The following SIRPA variants were observed in gnomAD, a reference collection of about 807,000 sequenced individuals.
The protein encoded by SIRPA is signal regulatory protein alpha, also known as tyrosine-protein phosphatase non-receptor type substrate 1.
Under a neutral mutation model 50.3 loss-of-function variants are expected in SIRPA, and 9 were observed. The ratio of observed to expected loss-of-function variants is 0.18; its 90% CI spans 0.11 to 0.31. The LOEUF (loss-of-function observed/expected upper bound fraction) is 0.31, where lower values mean the gene tolerates loss of function less well. Ranked by LOEUF, SIRPA falls within the 10% of genes least tolerant of loss-of-function variation. The pLI is 1.00. For synonymous variants in SIRPA, 265 were observed against 284.1 expected, an observed-to-expected ratio of 0.93 and a Z score of 0.68; for missense variants, 474 against 661.6, an observed-to-expected ratio of 0.72 and a Z score of 3.11.
chr20:1,927,942 G>C lies in SIRPA; in HGVS notation c.1226+43G>C, dbSNP rs762552066. On this transcript the variant is annotated intron_variant, in intron 6 of 7. Transcript: ENST00000358771. This position sits in a 1 kb window ranked among gnomAD's most constrained non-coding sequence, Gnocchi z 6.5. ...CCAGACCCTCTTGCAGTTATTATTT[G>C]GTTATTTGACAGCCCCCCAGACTAC... The C allele has an allele frequency of 6.3e-7, 1 of 1,579,982 alleles. No individual in the cohort carries two copies. The highest frequency in any genetic ancestry group is 8.7e-7 in the Non-Finnish European group (1 of 1,148,952).
At position 1,899,416 on chromosome 20, in the gene SIRPA, G is replaced by A. The variant is rs77027558; in HGVS notation, c.79+3890G>A. Among the ~76,000 whole-genome samples, 1,445 of 152,222 alleles carry A rather than the reference G, an allele frequency of 9.5e-3. 25 individuals are homozygous for A. The highest frequency in any genetic ancestry group is 0.033 in the African/African-American group (1,362 of 41,526). ...GAGAAGCCCTGCAATGTAGAATCCCGAGCTGGGTCACATTTACTCCAGTGT... is the reference window on the plus strand; with the variant it reads ...GAGAAGCCCTGCAATGTAGAATCCCAAGCTGGGTCACATTTACTCCAGTGT... On this transcript the variant is annotated intron_variant, in intron 1 of 7. Transcript: ENST00000358771.
chr20:1,903,563 A>G (rs1374640462), intron 1 of SIRPA, among the ~76,000 whole-genome samples: 1 of 152,200 alleles, frequency 6.6e-6, no homozygotes, highest in Non-Finnish European at 1.5e-5. Flanking sequence ...GGTTTCCAGC[A>G]TGGCATTTCT....
At chr20:1,929,514 T>C (rs891515547) in intron 6 of SIRPA, among the ~76,000 whole-genome samples, 2 of 152,128 alleles carry the variant, frequency 1.3e-5, no homozygotes, top group African/African-American at 4.8e-5. Flanking sequence ...CAGTTGCATA[T>C]AGCAGGAGCA....
upstream of SIRPA, chr20:1,894,816 C>T (rs1983659865): frequency 2.0e-5 from 3 of 147,768 alleles, no homozygotes; most frequent in South Asian, 4.1e-4. The surrounding 1 kb of genome is among the most constrained non-coding windows in gnomAD (Gnocchi z 4.0). Context: ...GGGCCGGAGC[C>T]CCGAAGCCTC....
In SIRPA at chr20:1,924,783, A is replaced by G. The variant is rs375872863; in HGVS notation, c.1107A>G (p.Glu369=). 2.5e-5 allele frequency: 40 copies of G among 1,613,976 alleles called. No homozygotes were observed. In the Middle Eastern group the frequency reaches 1.2e-3, roughly 47 times the overall value. ...NTAAENTGSN[E]RNIYIVVGVV... Reference sequence around the variant, plus strand: ...CCCTAGAGAACACTGGATCTAATGAACGGAACATCTATATTGTGGTGGGTG... The same window carrying G: ...CCCTAGAGAACACTGGATCTAATGAGCGGAACATCTATATTGTGGTGGGTG... The change falls in exon 5 of 8, where the codon GAA becomes GAG. Residue 369 remains glutamate (E), a synonymous_variant. Coordinates refer to ENST00000358771, the MANE Select transcript of SIRPA (RefSeq NM_001040023.2). The surrounding 1 kb of genome is among the most constrained non-coding windows in gnomAD (Gnocchi z 4.5).
Position 1,924,591 on chromosome 20 carries a change from G to T in SIRPA, c.1088-173G>T, listed in dbSNP as rs574513659. Among the ~76,000 whole-genome samples, 2 of 152,182 alleles carry T rather than the reference G, an allele frequency of 1.3e-5. No individual in the cohort carries two copies. Among genetic ancestry groups the T allele is most frequent in the African/African-American group, 2.4e-5 (1 of 41,434 alleles). On this transcript the variant is annotated intron_variant, in intron 4 of 7. Coordinates refer to ENST00000358771, the MANE Select transcript of SIRPA (RefSeq NM_001040023.2). The surrounding 1 kb of genome is among the most constrained non-coding windows in gnomAD (Gnocchi z 4.5). Reference sequence around the variant, plus strand: ...TTTGTGCTGTTCATGGATGAGTCTCGTGGGCAAGTGTGTACAGACCCATGA... The same window carrying T: ...TTTGTGCTGTTCATGGATGAGTCTCTTGGGCAAGTGTGTACAGACCCATGA...
chr20:1,922,461 C>T lies in SIRPA; in HGVS notation c.903C>T (p.Thr301=), dbSNP rs147807940. Residue 301 remains threonine (T), a synonymous_variant, in exon 4 of 8, where the codon ACC becomes ACT. Transcript: ENST00000358771. ...TGTCCCGGACAGAAACGGCCTCAACCGTTACAGAGAACAAGGATGGTACCT... is the reference window on the plus strand; with the variant it reads ...TGTCCCGGACAGAAACGGCCTCAACTGTTACAGAGAACAAGGATGGTACCT... ...GNVSRTETAS[T]VTENKDGTYN... is the part of the protein sequence containing the mutation. 3.5e-5 allele frequency: 56 copies of T among 1,614,112 alleles called. No homozygotes were observed. The highest frequency in any genetic ancestry group is 2.2e-5 in the South Asian group (2 of 91,090).
intron 1 of SIRPA, among the ~76,000 whole-genome samples, chr20:1,913,050 T>C (rs1037767298): frequency 2.0e-5 from 3 of 152,184 alleles, no homozygotes; most frequent in African/African-American, 7.2e-5. Flanking sequence ...TCTGTTTTTT[T>C]CTCCTGTGCC....
At chr20:1,916,263 C>G (rs1409595597) in intron 2 of SIRPA, among the ~76,000 whole-genome samples, 1 of 152,178 alleles carries the variant, frequency 6.6e-6, no homozygotes, top group Non-Finnish European at 1.5e-5. Context: ...TGTTCTAACT[C>G]CGAATCCTGG....
Position 1,937,526 on chromosome 20 carries a change from G to A in SIRPA, c.1473G>A (p.Pro491=), listed in dbSNP as rs199839074. The A allele has an allele frequency of 8.2e-5, 132 of 1,614,136 alleles. No homozygotes were observed. Among genetic ancestry groups the A allele is most frequent in the South Asian group, 1.6e-4 (15 of 91,084 alleles). ...TPKQPAPKPE[P]SFSEYASVQV... ...AGCAGCCGGCCCCCAAGCCTGAGCCGTCCTTCTCAGAGTACGCCAGCGTCC... is the reference window on the plus strand; with the variant it reads ...AGCAGCCGGCCCCCAAGCCTGAGCCATCCTTCTCAGAGTACGCCAGCGTCC... Residue 491 remains proline (P), a synonymous_variant, in exon 8 of 8, where the codon CCG becomes CCA. Coordinates refer to ENST00000358771, the MANE Select transcript of SIRPA (RefSeq NM_001040023.2). This position sits in a 1 kb window ranked among gnomAD's most constrained non-coding sequence, Gnocchi z 8.3.
chr20:1,937,718 A>C lies in SIRPA; in HGVS notation c.*150A>C, dbSNP rs1600470279. The C allele has an allele frequency of 6.3e-6, 6 of 956,452 alleles. No individual in the cohort carries two copies. The highest frequency in any genetic ancestry group is 3.5e-5 in the South Asian group (2 of 57,202). The allele number at this position is 956,452 out of a possible 1,614,324, so 59.2% of individuals were successfully genotyped here. On this transcript the variant is annotated 3_prime_UTR_variant, in exon 8 of 8. Coordinates refer to ENST00000358771, the MANE Select transcript of SIRPA (RefSeq NM_001040023.2). This position sits in a 1 kb window ranked among gnomAD's most constrained non-coding sequence, Gnocchi z 8.3. ...GGGCCAGGGTGGCTCTTCTCTCCCC[A>C]CCCCTCCTTGGCTCTCCAGCACTTC...
At position 1,924,511 on chromosome 20, in the gene SIRPA, T is replaced by C. The variant is rs891477199; in HGVS notation, c.1088-253T>C. On this transcript the variant is annotated intron_variant, in intron 4 of 7. Coordinates refer to ENST00000358771, the MANE Select transcript of SIRPA (RefSeq NM_001040023.2). The surrounding 1 kb of genome is among the most constrained non-coding windows in gnomAD (Gnocchi z 4.5). ...TTCTGCCTGTATCCTGCAGCAGGGG[T>C]TCCTCCGTAGCTGTCAGCTACAAAT... is the stretch of plus-strand genomic sequence containing the variant. 1.3e-5 allele frequency among the ~76,000 whole-genome samples: 2 copies of C among 152,146 alleles called. No homozygotes were observed. Among genetic ancestry groups the C allele is most frequent in the African/African-American group, 4.8e-5 (2 of 41,440 alleles).
intron 1 of SIRPA, among the ~76,000 whole-genome samples, chr20:1,914,354 C>T (rs990319913): frequency 6.6e-6 from 1 of 152,184 alleles, no homozygotes; most frequent in Non-Finnish European, 1.5e-5. Context: ...TGCATTTGGA[C>T]GCTGTCCCCA....
intron 1 of SIRPA, among the ~76,000 whole-genome samples, chr20:1,904,130 C>G (rs1240943947): frequency 1.3e-5 from 2 of 152,154 alleles, no homozygotes; most frequent in Non-Finnish European, 2.9e-5. Flanking sequence ...CCCCCTGCAG[C>G]CAGGGCCGGG....
rs1025165674 is a variant in SIRPA, at chr20:1,895,443, G to C, written c.-5G>C. On this transcript the variant is annotated 5_prime_UTR_variant, in exon 1 of 8. Coordinates refer to ENST00000358771, the MANE Select transcript of SIRPA (RefSeq NM_001040023.2). ...CTCTCCCTCCTCGCTCCGCAGCCGC[G>C]GCCCATGGAGCCCGCCGGCCCGGCC... 1 of 1,402,812 alleles carries C rather than the reference G, an allele frequency of 7.1e-7. No homozygotes were observed. The highest frequency in any genetic ancestry group is 9.2e-7 in the Non-Finnish European group (1 of 1,086,748). 86.9% of individuals were successfully genotyped at this position (1,402,812 alleles called of 1,614,324 possible).
At chr20:1,908,601 A>G (rs980149829) in intron 1 of SIRPA, among the ~76,000 whole-genome samples, 1 of 152,026 alleles carries the variant, frequency 6.6e-6, no homozygotes, top group Non-Finnish European at 1.5e-5. Context: ...GTGCCCACCC[A>G]TGTGTACATG....
chr20:1,902,137 A>G (rs2122990993), intron 1 of SIRPA, among the ~76,000 whole-genome samples: 1 of 152,240 alleles, frequency 6.6e-6, no homozygotes, highest in Admixed American at 6.5e-5. Context: ...ACACTGATCA[A>G]CTCTATACCA....
intron 5 of SIRPA, among the ~76,000 whole-genome samples, chr20:1,926,862 G>C (rs1404678208): frequency 4.6e-5 from 7 of 152,198 alleles, no homozygotes; most frequent in Non-Finnish European, 8.8e-5. Flanking sequence ...GGAGGGGTCT[G>C]CCCAGCCTCT....
rs144307929 is a variant in SIRPA at position 1,908,570 on chromosome 20, G to A, written c.80-6529G>A. ...TGACATATTCCGGCACACAGGCACC[G>A]TCTCTTTCACACTCCTCCTTGTGCC... On this transcript the variant is annotated intron_variant, in intron 1 of 7. Coordinates refer to ENST00000358771, the MANE Select transcript of SIRPA (RefSeq NM_001040023.2). Among the ~76,000 whole-genome samples the A allele has an allele frequency of 1.3e-3, 201 of 152,202 alleles. 2 individuals are homozygous for A. The highest frequency in any genetic ancestry group is 4.6e-3 in the African/African-American group (189 of 41,522).
Sources: gnomAD v4.1 joint callset for allele counts (sites outside exome capture counted in the v4.1 genomes callset) on GRCh38, gnomAD v4.1.1 for gene constraint, Gnocchi (gnomAD v3.1) non-coding constraint, MANE v1.5 for transcripts, NCBI Gene and HGNC (gene_info 2026-07-23, HGNC 2026-07-21) for gene names.